GPR39: variants seen among roughly 807,000 people sequenced by gnomAD.
GPR39 encodes zinc sensing receptor.
GPR39 carries 23 observed loss-of-function variants against 18.4 expected under a neutral mutation model. The ratio of observed to expected loss-of-function variants is 1.25; its 90% CI spans 0.90 to 1.77. GPR39 has a LOEUF of 1.77. GPR39 is among the 40% of genes most tolerant of loss of function. GPR39 has a pLI of 0.00. For synonymous variants in GPR39, 280 were observed against 257.9 expected (o/e 1.09, Z -0.82); for missense variants, 647 against 602.4 (o/e 1.07, Z -0.78).
At chr2:132,420,867 G>A (rs768170076) in intron 1 of GPR39, among the ~76,000 whole-genome samples, 2 of 152,200 alleles carry the variant, frequency 1.3e-5, no homozygotes, top group Non-Finnish European at 2.9e-5. Context: ...AGAAAGAGAG[G>A]CTGGGATACC....
chr2:132,604,290 A>AT (rs1244498927), intron 1 of GPR39, among the ~76,000 whole-genome samples: 1 of 152,204 alleles, frequency 6.6e-6, no homozygotes, highest in African/African-American at 2.4e-5. Flanking sequence ...TGCCAGAATG[A>AT]TTTAAAAAAA....
intron 1 of GPR39, among the ~76,000 whole-genome samples, chr2:132,548,326 G>A (rs73957919): frequency 0.026 from 3,988 of 152,254 alleles, 150 homozygotes; most frequent in African/African-American, 0.088. Context: ...CCACTTGGGG[G>A]TCTTACCCTT....
In GPR39 at chr2:132,423,046, G is replaced by A. The variant is rs889324594; in HGVS notation, c.856+5148G>A. Among the ~76,000 whole-genome samples, 26 of 151,952 alleles carry A rather than the reference G, an allele frequency of 1.7e-4. 1 individual carries two copies. The highest frequency in any genetic ancestry group is 2.8e-4 in the Non-Finnish European group (19 of 68,034). On this transcript the variant is annotated intron_variant, in intron 1 of 1. Transcript: ENST00000329321. ...AGAATATTGAATTGGGAGTCAAGGA[G>A]CCCCTCTGGCTGTACAAGGCAAGGT... is the stretch of plus-strand genomic sequence containing the variant.
chr2:132,604,663 A>T (rs566557783), intron 1 of GPR39: 3 of 152,274 alleles, frequency 2.0e-5, no homozygotes, highest in Non-Finnish European at 4.4e-5. Flanking sequence ...ATAAAGTCTT[A>T]TGAACATATA....
chr2:132,453,473 T>G (rs1680665994), intron 1 of GPR39, among the ~76,000 whole-genome samples: 1 of 152,216 alleles, frequency 6.6e-6, no homozygotes, highest in South Asian at 2.1e-4. Context: ...GTGCAGAAGC[T>G]CTTTAGTTTA....
At chr2:132,644,239 T>G (rs149569649) in intron 1 of GPR39, among the ~76,000 whole-genome samples, 62 of 152,358 alleles carry the variant, frequency 4.1e-4, no homozygotes, top group African/African-American at 1.3e-3. Flanking sequence ...TATGTGGGCA[T>G]GCAAACAAAT....
chr2:132,487,283 T>C (rs985457336), intron 1 of GPR39, among the ~76,000 whole-genome samples: 1 of 152,252 alleles, frequency 6.6e-6, no homozygotes, highest in Non-Finnish European at 1.5e-5. Flanking sequence ...ATTCTTACTG[T>C]ATTTCACTGG....
intron 1 of GPR39, among the ~76,000 whole-genome samples, chr2:132,535,694 G>GTTTTTTTTTTTTTTTTTTTTTTTT (rs1252242856): frequency 3.3e-5 from 2 of 60,956 alleles, no homozygotes; most frequent in Non-Finnish European, 6.1e-5. Context: ...CTGGTCCTGG[G>GTTTTTTTTTTTTTTTTTTTTTTTT]CTTTTTTTTT....
At chr2:132,603,762 CA>C (rs1258421366) in intron 1 of GPR39, among the ~76,000 whole-genome samples, 1 of 152,130 alleles carries the variant, frequency 6.6e-6, no homozygotes, top group Non-Finnish European at 1.5e-5. Flanking sequence ...AGCTATTCAC[CA>C]AAAGCTGAAA....
intron 1 of GPR39, among the ~76,000 whole-genome samples, chr2:132,533,558 A>G (rs1249921730): frequency 6.6e-6 from 1 of 151,564 alleles, no homozygotes; most frequent in African/African-American, 2.4e-5. Context: ...AGCGAAAAGA[A>G]CAAAGCTGGA....
chr2:132,498,915 C>CT (rs978868801), intron 1 of GPR39, among the ~76,000 whole-genome samples: 1 of 151,768 alleles, frequency 6.6e-6, no homozygotes, highest in East Asian at 1.9e-4. Flanking sequence ...TGGGATTGTT[C>CT]TTTTTTTTCT....
chr2:132,432,249 T>C (rs1680236940), intron 1 of GPR39, among the ~76,000 whole-genome samples: 1 of 152,188 alleles, frequency 6.6e-6, no homozygotes, highest in African/African-American at 2.4e-5. Flanking sequence ...TGCTTTCAGG[T>C]TGCAAACTGC....
rs537054232 is a variant in GPR39 at position 132,585,270 on chromosome 2, C to T, written c.857-59831C>T. Among the ~76,000 whole-genome samples the T allele has an allele frequency of 3.9e-5, 6 of 152,174 alleles. No homozygotes were observed. The South Asian group carries it at 1.0e-3, about 26-fold the overall frequency. On this transcript the variant is annotated intron_variant, in intron 1 of 1. Coordinates refer to ENST00000329321, the MANE Select transcript of GPR39 (RefSeq NM_001508.3). ...TGAAGCAGTCACATTGCTGCCGTCC[C>T]CAGCTAGGGTCATAGGAGTCCCTGT...
intron 1 of GPR39, among the ~76,000 whole-genome samples, chr2:132,526,311 G>A (rs533867317): frequency 6.6e-6 from 1 of 152,294 alleles, no homozygotes; most frequent in South Asian, 2.1e-4. Flanking sequence ...CATAAGGATT[G>A]CAGACCTGTA....
At chr2:132,592,263 A>G (rs1339622047) in intron 1 of GPR39, among the ~76,000 whole-genome samples, 2 of 152,190 alleles carry the variant, frequency 1.3e-5, no homozygotes, top group African/African-American at 4.8e-5. Context: ...GTGTGTCGGC[A>G]AGGGTGCACT....
intron 1 of GPR39, among the ~76,000 whole-genome samples, chr2:132,486,733 G>T (rs1224968929): frequency 6.6e-6 from 1 of 152,206 alleles, no homozygotes; most frequent in Non-Finnish European, 1.5e-5. Flanking sequence ...TTAAGGGAAT[G>T]TAGTGGCTGG....
chr2:132,483,362 G>T (rs556948174), intron 1 of GPR39, among the ~76,000 whole-genome samples: 1 of 152,320 alleles, frequency 6.6e-6, no homozygotes, highest in African/African-American at 2.4e-5. Context: ...CCACACTTAT[G>T]CCCAATCCAT....
At chr2:132,455,567 G>T (rs1350594065) in intron 1 of GPR39, among the ~76,000 whole-genome samples, 1 of 152,094 alleles carries the variant, frequency 6.6e-6, no homozygotes, top group Non-Finnish European at 1.5e-5. Flanking sequence ...TTTTAATTGT[G>T]ATGTTAGGGT....
At chr2:132,540,705 G>A (rs1296583195) in intron 1 of GPR39, among the ~76,000 whole-genome samples, 1 of 152,160 alleles carries the variant, frequency 6.6e-6, no homozygotes, top group Non-Finnish European at 1.5e-5. Context: ...TCAGCTGCAA[G>A]GGTGCTATTA....
Sources: allele counts gnomAD v4.1 joint callset (sites outside exome capture counted in the v4.1 genomes callset), GRCh38; gene constraint gnomAD v4.1.1; transcripts MANE v1.5; gene names NCBI Gene and HGNC (gene_info 2026-07-23, HGNC 2026-07-21).